UNC119B: variants seen among roughly 807,000 people sequenced by gnomAD.
UNC119B encodes the protein unc-119 lipid binding chaperone B, also known as protein unc-119 homolog B.
A neutral mutation model predicts 23.4 loss-of-function variants in UNC119B; 16 were observed. That is an observed-to-expected ratio of 0.68 (90% CI 0.46 to 1.04). The LOEUF (loss-of-function observed/expected upper bound fraction) is 1.04, where lower values mean the gene tolerates loss of function less well. UNC119B is among the 50% of genes least tolerant of loss of function. The pLI is 0.00. For synonymous variants in UNC119B, 144 were observed against 145.4 expected (o/e 0.99, Z 0.07); for missense variants, 350 against 361.3 (o/e 0.97, Z 0.25).
intron 2 of UNC119B, 36 bp downstream of exon 2, chr12:120,713,423 T>G: frequency 6.6e-7 from 1 of 1,516,280 alleles, no homozygotes; most frequent in South Asian, 1.1e-5. Flanking sequence ...CTAGACAGTT[T>G]TGAGCCAAAG....
rs1417642184 is a variant in UNC119B, at chr12:120,722,377, A to C, written c.*2345A>C. Reference sequence around the variant, plus strand: ...GTCTAGCTGCTCAGGAAATCTTGAGAAGCATTCCACTCTGGGGTGTAAACC... The same window carrying C: ...GTCTAGCTGCTCAGGAAATCTTGAGCAGCATTCCACTCTGGGGTGTAAACC... On this transcript the variant is annotated 3_prime_UTR_variant, in exon 5 of 5. Transcript: ENST00000344651. 1 of 152,308 alleles carries C rather than the reference A, an allele frequency of 6.6e-6. No homozygotes were observed. The highest frequency in any genetic ancestry group is 1.5e-5 in the Non-Finnish European group (1 of 68,114). The allele number at this position is 152,308 out of a possible 1,614,324, so 9.4% of individuals were successfully genotyped here.
chr12:120,719,027 A>G (rs181177203), intron 4 of UNC119B, among the ~76,000 whole-genome samples: 134 of 152,358 alleles, frequency 8.8e-4, no homozygotes, highest in Non-Finnish European at 6.6e-4. Flanking sequence ...CTGGAGGGCA[A>G]TATTATGCAT....
At position 120,710,503 on chromosome 12, in the gene UNC119B, C is replaced by T. The variant is rs1417192332; in HGVS notation, c.29C>T (p.Ala10Val). ...AGCGGGTCTAACCCGAAGGCTGCGG[C>T]CGCGGCGTCGGCGGCTGGGCCCGGG... MSGSNPKAA[A>V]AASAAGPGGL... Residue 10 changes from alanine to valine, a missense_variant, in exon 1 of 5, where the codon GCC becomes GTC. Physicochemically the swap from Ala to Val is moderately conservative, Grantham distance 64. Transcript: ENST00000344651. The T allele has an allele frequency of 1.0e-5, 14 of 1,357,700 alleles. No individual in the cohort carries two copies. The highest frequency in any genetic ancestry group is 1.8e-5 in the South Asian group (1 of 54,780). 84.1% of individuals were successfully genotyped at this position (1,357,700 alleles called of 1,614,324 possible). A position where few individuals can be genotyped will look rare whatever the true frequency, so the allele number is the denominator to read the frequency against.
In UNC119B at chr12:120,720,199, G is replaced by A. The variant is rs923397278; in HGVS notation, c.*167G>A. On this transcript the variant is annotated 3_prime_UTR_variant, in exon 5 of 5. Transcript: ENST00000344651. ...GCCAAAGGAGCTGCCAAACAGTGCT[G>A]TGTTTTCTTCCCCAGTATTTTTTCT... The A allele has an allele frequency of 2.7e-5, 16 of 592,030 alleles. No individual in the cohort carries two copies. Among genetic ancestry groups the A allele is most frequent in the Non-Finnish European group, 4.5e-5 (15 of 335,146 alleles). 36.7% of individuals were successfully genotyped at this position (592,030 alleles called of 1,614,324 possible). A position where few individuals can be genotyped will look rare whatever the true frequency, so the allele number is the denominator to read the frequency against.
Position 120,716,978 on chromosome 12 carries a change from C to T in UNC119B, c.579C>T (p.Cys193=). The change falls in exon 4 of 5, where the codon TGC becomes TGT. Residue 193 remains cysteine (C), a synonymous_variant. Transcript: ENST00000344651. The part of the protein sequence containing the change: ...LKNFDFDFGF[C]IPSSRNTCEH... ...ACTTTGACTTTGATTTTGGCTTCTG[C>T]ATCCCCAGCAGTAGGAACACTTGTG... 6.2e-7 allele frequency: 1 copy of T among 1,613,620 alleles called. No individual in the cohort carries two copies. Among genetic ancestry groups the T allele is most frequent in the Non-Finnish European group, 8.5e-7 (1 of 1,179,710 alleles).
At chr12:120,717,783 C>G (rs906810372) in intron 4 of UNC119B, among the ~76,000 whole-genome samples, 1 of 151,030 alleles carries the variant, frequency 6.6e-6, no homozygotes, top group African/African-American at 2.4e-5. Context: ...AGGCTGGTCT[C>G]GAACTCCTGA....
chr12:120,722,999 G>A lies in UNC119B; in HGVS notation c.*2967G>A, dbSNP rs972833352. On this transcript the variant is annotated 3_prime_UTR_variant, in exon 5 of 5. Transcript: ENST00000344651. ...TAAACTGGAAATTTGTGAAATGGCA[G>A]TGATTGGGCAATCTTCAGTTTATTT... The A allele has an allele frequency of 3.9e-5, 6 of 152,456 alleles. No individual in the cohort carries two copies. The highest frequency in any genetic ancestry group is 1.2e-4 in the African/African-American group (5 of 41,456). 9.4% of individuals were successfully genotyped at this position (152,456 alleles called of 1,614,324 possible).
chr12:120,714,663 A>G (rs978636863), intron 2 of UNC119B, among the ~76,000 whole-genome samples: 2 of 152,068 alleles, frequency 1.3e-5, no homozygotes, highest in African/African-American at 4.8e-5. Context: ...AAGACCAGCT[A>G]GCTTCCTGGG....
Position 120,723,282 on chromosome 12 carries a change from G to C in UNC119B, c.*3250G>C, listed in dbSNP as rs566913366. Reference sequence around the variant, plus strand: ...TGCACGAGGATTCCTGTGGCATCAGGTGCTGCTGTACCTGGTGTAGGAGCC... The same window carrying C: ...TGCACGAGGATTCCTGTGGCATCAGCTGCTGCTGTACCTGGTGTAGGAGCC... On this transcript the variant is annotated 3_prime_UTR_variant, in exon 5 of 5. Coordinates refer to ENST00000344651, the MANE Select transcript of UNC119B (RefSeq NM_001080533.3). 83 of 154,650 alleles carry C rather than the reference G, an allele frequency of 5.4e-4. No individual in the cohort carries two copies. The highest frequency in any genetic ancestry group is 1.9e-3 in the African/African-American group (78 of 41,624). The allele number at this position is 154,650 out of a possible 1,614,324, so 9.6% of individuals were successfully genotyped here. A position where few individuals can be genotyped will look rare whatever the true frequency, so the allele number is the denominator to read the frequency against.
Position 120,719,956 on chromosome 12 carries a change from C to CT in UNC119B, c.681dup (p.Asp228Ter). The CT allele has an allele frequency of 6.2e-7, 1 of 1,614,198 alleles. No homozygotes were observed. Among genetic ancestry groups the CT allele is most frequent in the Non-Finnish European group, 8.5e-7 (1 of 1,180,042 alleles). The stretch of plus-strand genomic sequence containing the variant: ...ATTGAAAATCCTTACGAGACCCGCT[C>CT]TGACAGCTTCTACTTTGTTGACAAC... On this transcript the variant is annotated frameshift_variant, in exon 5 of 5. Coordinates refer to ENST00000344651, the MANE Select transcript of UNC119B (RefSeq NM_001080533.3). LOFTEE classifies it high-confidence loss of function.
rs540087162 is a variant in UNC119B at position 120,716,718 on chromosome 12, G to A, written c.449G>A (p.Arg150His). 20 of 1,614,144 alleles carry A rather than the reference G, an allele frequency of 1.2e-5. No homozygotes were observed. In the East Asian group the frequency reaches 2.0e-4, roughly 16 times the overall value. Residue 150 changes from arginine to histidine, a missense_variant, in exon 3 of 5, where the codon CGC becomes CAC. Physicochemically the swap from Arg to His is conservative, Grantham distance 29. Transcript: ENST00000344651. ...TATCAGTTCACACCGGCATTTCTCCGCCTCCGGACAGTCGGGGCTACGTGA... is the reference window on the plus strand; with the variant it reads ...TATCAGTTCACACCGGCATTTCTCCACCTCCGGACAGTCGGGGCTACGTGA... The part of the protein sequence containing the change: ...VRYQFTPAFL[R>H]LRTVGATVEF...
At chr12:120,710,885 C>A in intron 1 of UNC119B, 167 bp downstream of exon 1, 1 of 571,734 alleles carries the variant, frequency 1.7e-6, no homozygotes, top group Non-Finnish European at 2.5e-6. Context: ...CCGCCACGCT[C>A]ACGTAGCTCT....
In UNC119B at chr12:120,723,122, G is replaced by A. The variant is rs1283948850; in HGVS notation, c.*3090G>A. On this transcript the variant is annotated 3_prime_UTR_variant, in exon 5 of 5. Coordinates refer to ENST00000344651, the MANE Select transcript of UNC119B (RefSeq NM_001080533.3). Reference sequence around the variant, plus strand: ...CTGCCTTAGTGTGTCCTGCCCCACCGGTACGCTTCCAGGATACTCTTTTCC... The same window carrying A: ...CTGCCTTAGTGTGTCCTGCCCCACCAGTACGCTTCCAGGATACTCTTTTCC... 2 of 154,070 alleles carry A rather than the reference G, an allele frequency of 1.3e-5. No individual in the cohort carries two copies. Among genetic ancestry groups the A allele is most frequent in the African/African-American group, 2.4e-5 (1 of 41,472 alleles). The allele number at this position is 154,070 out of a possible 1,614,324, so 9.5% of individuals were successfully genotyped here.
At chr12:120,715,164 A>G (rs556001) in intron 2 of UNC119B, among the ~76,000 whole-genome samples, 68,064 of 152,118 alleles carry the variant, frequency 0.45, 15,764 homozygotes, top group South Asian at 0.55. Context: ...GCACTCCAGC[A>G]AAGGTGACAG....
Position 120,710,685 on chromosome 12 carries a change from G to A in UNC119B, c.211G>A (p.Glu71Lys), listed in dbSNP as rs1169546494. ...ELLALDTIRP[E>K]HVLRLSRVTE... ...GCTGGCGCTGGACACCATCCGGCCC[G>A]AGCACGTCCTGCGCCTCAGCCGGGT... The change falls in exon 1 of 5, where the codon GAG becomes AAG. Residue 71 changes from glutamate to lysine, a missense_variant. Physicochemically the swap from Glu to Lys is moderately conservative, Grantham distance 56. Coordinates refer to ENST00000344651, the MANE Select transcript of UNC119B (RefSeq NM_001080533.3). The A allele has an allele frequency of 1.4e-6, 2 of 1,444,746 alleles. No individual in the cohort carries two copies. The highest frequency in any genetic ancestry group is 1.8e-6 in the Non-Finnish European group (2 of 1,103,234). The allele number at this position is 1,444,746 out of a possible 1,614,324, so 89.5% of individuals were successfully genotyped here. A position where few individuals can be genotyped will look rare whatever the true frequency, so the allele number is the denominator to read the frequency against.
intron 1 of UNC119B, 140 bp downstream of exon 1, chr12:120,710,858 C>G: frequency 1.2e-6 from 1 of 830,174 alleles, no homozygotes; most frequent in Admixed American, 4.6e-5. Context: ...CGCTGCCCCG[C>G]CGGCCGGGCT....
rs1185544775 is a variant in UNC119B, at chr12:120,721,392, A to G, written c.*1360A>G. On this transcript the variant is annotated 3_prime_UTR_variant, in exon 5 of 5. Coordinates refer to ENST00000344651, the MANE Select transcript of UNC119B (RefSeq NM_001080533.3). ...GCCAGGGTCCAGTTAGCATCAGTAG[A>G]AGGATGTCACTAGGAAAGGCCCAGG... is the stretch of plus-strand genomic sequence containing the variant. The G allele has an allele frequency of 6.6e-6, 1 of 152,282 alleles. No homozygotes were observed. Among genetic ancestry groups the G allele is most frequent in the Admixed American group, 6.5e-5 (1 of 15,280 alleles). The allele number at this position is 152,282 out of a possible 1,614,324, so 9.4% of individuals were successfully genotyped here.
chr12:120,716,305 G>T (rs1338119053), intron 2 of UNC119B, among the ~76,000 whole-genome samples: 2 of 152,200 alleles, frequency 1.3e-5, no homozygotes, highest in East Asian at 3.9e-4. Flanking sequence ...TTGAAGAACA[G>T]GCCTTGAGTC....
Position 120,716,650 on chromosome 12 carries a change from G to A in UNC119B, c.381G>A (p.Glu127=). 6.2e-7 allele frequency: 1 copy of A among 1,614,200 alleles called. No homozygotes were observed. The highest frequency in any genetic ancestry group is 8.5e-7 in the Non-Finnish European group (1 of 1,180,030). The change falls in exon 3 of 5, where the codon GAG becomes GAA. Residue 127 remains glutamate, a synonymous_variant. Coordinates refer to ENST00000344651, the MANE Select transcript of UNC119B (RefSeq NM_001080533.3). The part of the protein sequence containing the change: ...CVSDQEEDEE[E]GGGDVDISAG... ...CAGACCAGGAGGAGGATGAGGAGGA[G>A]GGAGGTGGAGACGTGGACATCAGCG... is the stretch of plus-strand genomic sequence containing the variant.
Sources: gnomAD v4.1 joint callset for allele counts (sites outside exome capture counted in the v4.1 genomes callset) on GRCh38, gnomAD v4.1.1 for gene constraint, MANE v1.5 for transcripts, NCBI Gene and HGNC (gene_info 2026-07-23, HGNC 2026-07-21) for gene names.